Variants in ERBB4 observed in about 807,000 individuals in gnomAD.
The protein encoded by ERBB4 is receptor tyrosine-protein kinase erbB-4.
Under a neutral mutation model 158.0 loss-of-function variants are expected in ERBB4, and 42 were observed. The observed-to-expected ratio is 0.27, with a 90% CI of 0.21 to 0.34. The LOEUF (loss-of-function observed/expected upper bound fraction) is 0.34, where lower values mean the gene tolerates loss of function less well. Ranked by LOEUF, ERBB4 falls within the 10% of genes least tolerant of loss-of-function variation. The probability of loss-of-function intolerance (pLI) is 1.00; values close to 1 mark genes in which losing one functional copy is unlikely to be tolerated. For synonymous variants in ERBB4, 583 were observed against 558.7 expected (o/e 1.04, Z -0.61); for missense variants, 1,333 against 1,624.1 (o/e 0.82, Z 3.08).
intron 3 of ERBB4, among the ~76,000 whole-genome samples, chr2:211,794,595 T>C (rs2076344046): frequency 6.6e-6 from 1 of 151,974 alleles, no homozygotes; most frequent in African/African-American, 2.4e-5. Flanking sequence ...GTTAGTGATA[T>C]GCACTAGATA....
chr2:212,195,677 T>C (rs2082405691), intron 1 of ERBB4, among the ~76,000 whole-genome samples: 2 of 152,176 alleles, frequency 1.3e-5, no homozygotes, highest in Admixed American at 6.6e-5. Flanking sequence ...ATTAACTTTA[T>C]ATAATAAAAA....
intron 3 of ERBB4, among the ~76,000 whole-genome samples, chr2:211,918,928 T>A (rs922702340): frequency 6.6e-6 from 1 of 152,106 alleles, no homozygotes; most frequent in Non-Finnish European, 1.5e-5. Context: ...GTGATTTTTG[T>A]CACCACCACA....
At chr2:212,327,726 TTC>T (rs2087921032) in intron 1 of ERBB4, among the ~76,000 whole-genome samples, 2 of 36,652 alleles carry the variant, frequency 5.5e-5, no homozygotes, top group African/African-American at 9.7e-5. Context: ...TTTTCTTTTT[TTC>T]TTTTTTTTTT....
Position 211,736,674 on chromosome 2 carries a change from C to G in ERBB4, c.623-11480G>C, listed in dbSNP as rs995249413. On this transcript the variant is annotated intron_variant, in intron 5 of 27. Coordinates refer to ENST00000342788, the MANE Select transcript of ERBB4 (RefSeq NM_005235.3). ...TATGGAAAATCACTGCACAATACAG[C>G]CTGCCATAATGCCTTATCTTCAGAA... Among the ~76,000 whole-genome samples the G allele has an allele frequency of 2.6e-5, 4 of 152,084 alleles. No homozygotes were observed. In the East Asian group the frequency reaches 5.8e-4, roughly 22 times the overall value.
rs921703602 is a variant in ERBB4, at chr2:211,663,529, T to G, written c.1871+1794A>C. 2.0e-5 allele frequency among the ~76,000 whole-genome samples: 3 copies of G among 152,264 alleles called. No homozygotes were observed. In the East Asian group the frequency reaches 5.8e-4, roughly 29 times the overall value. ...CTTCCTTTTGACTGAGATCCAGATT[T>G]TGTTGCTACCATAAACTAATCTCTT... On this transcript the variant is annotated intron_variant, in intron 15 of 27. Transcript: ENST00000342788.
chr2:211,929,881 C>T (rs2080126901), intron 3 of ERBB4, among the ~76,000 whole-genome samples: 1 of 152,008 alleles, frequency 6.6e-6, no homozygotes, highest in African/African-American at 2.4e-5. Context: ...TAGAGAAAAA[C>T]AACATGTGTA....
intron 2 of ERBB4, among the ~76,000 whole-genome samples, chr2:211,995,992 A>G (rs1012327475): frequency 6.6e-6 from 1 of 152,194 alleles, no homozygotes; most frequent in Non-Finnish European, 1.5e-5. Flanking sequence ...TGATGCCTTA[A>G]GGTATTCTTG....
At chr2:211,646,377 T>C (rs2070782934) in intron 16 of ERBB4, among the ~76,000 whole-genome samples, 1 of 151,538 alleles carries the variant, frequency 6.6e-6, no homozygotes, top group African/African-American at 2.4e-5. Context: ...GCTTTAACTA[T>C]CAGGATGATG....
intron 20 of ERBB4, among the ~76,000 whole-genome samples, chr2:211,500,283 C>A (rs2065584580): frequency 6.6e-6 from 1 of 152,028 alleles, no homozygotes; most frequent in African/African-American, 2.4e-5. Flanking sequence ...AGCCACTGGA[C>A]TATAAATAGC....
chr2:211,880,000 T>G (rs2078619780), intron 3 of ERBB4, among the ~76,000 whole-genome samples: 2 of 150,714 alleles, frequency 1.3e-5, no homozygotes, highest in South Asian at 4.2e-4. Flanking sequence ...AATAAATATA[T>G]AAATAAAGCA....
chr2:211,491,912 A>C (rs2125572603), intron 20 of ERBB4, among the ~76,000 whole-genome samples: 1 of 152,176 alleles, frequency 6.6e-6, no homozygotes, highest in African/African-American at 2.4e-5. Flanking sequence ...AAAGCTTGAG[A>C]CAGGGAGAAC....
intron 1 of ERBB4, among the ~76,000 whole-genome samples, chr2:212,244,741 G>T (rs536756851): frequency 6.6e-6 from 1 of 151,980 alleles, no homozygotes; most frequent in African/African-American, 2.4e-5. Flanking sequence ...CTACAGTCTG[G>T]TTTAACTTTC....
At chr2:211,982,671 T>C (rs1476765702) in intron 2 of ERBB4, among the ~76,000 whole-genome samples, 1 of 152,210 alleles carries the variant, frequency 6.6e-6, no homozygotes, top group East Asian at 1.9e-4. Context: ...CTTCAGGTTA[T>C]CCGATTCTAT....
rs143019352 is a variant in ERBB4, at chr2:212,295,447, T to C, written c.83-170544A>G. Among the ~76,000 whole-genome samples the C allele has an allele frequency of 7.0e-4, 106 of 152,216 alleles. 1 individual carries two copies. Among genetic ancestry groups the C allele is most frequent in the African/African-American group, 2.5e-3 (102 of 41,570 alleles). Reference sequence around the variant, plus strand: ...CTCAAAGAATTTTCACTGATTATATTATCTTCATGTTTCTCTCTGTTTCAA... The same window carrying C: ...CTCAAAGAATTTTCACTGATTATATCATCTTCATGTTTCTCTCTGTTTCAA... On this transcript the variant is annotated intron_variant, in intron 1 of 27. Coordinates refer to ENST00000342788, the MANE Select transcript of ERBB4 (RefSeq NM_005235.3).
chr2:211,734,803 A>C (rs867201245), intron 5 of ERBB4, among the ~76,000 whole-genome samples: 40 of 150,104 alleles, frequency 2.7e-4, no homozygotes, highest in African/African-American at 9.3e-4. Flanking sequence ...CGCCTGTAGT[A>C]CCAGCTACTC....
intron 2 of ERBB4, among the ~76,000 whole-genome samples, chr2:211,963,841 G>C (rs1227047363): frequency 4.6e-5 from 7 of 152,040 alleles, no homozygotes; most frequent in African/African-American, 1.7e-4. Flanking sequence ...TTTAATCTCT[G>C]AGAAAGTATC....
intron 3 of ERBB4, among the ~76,000 whole-genome samples, chr2:211,926,915 C>A (rs1476388610): frequency 2.6e-5 from 4 of 152,004 alleles, no homozygotes; most frequent in Admixed American, 1.3e-4. Flanking sequence ...CTGTCCTATC[C>A]TCGGTTATAC....
At chr2:211,484,434 A>T (rs1001863997) in intron 20 of ERBB4, among the ~76,000 whole-genome samples, 8 of 152,200 alleles carry the variant, frequency 5.3e-5, no homozygotes, top group Non-Finnish European at 1.2e-4. Context: ...GTTAGGTTAG[A>T]TAACACTTCT....
chr2:212,322,067 G>C (rs938578356), intron 1 of ERBB4, among the ~76,000 whole-genome samples: 1 of 150,242 alleles, frequency 6.7e-6, no homozygotes, highest in African/African-American at 2.4e-5. Flanking sequence ...TTCATCTTAG[G>C]AGTCATTATC....
Sources: gnomAD v4.1 joint callset for allele counts (sites outside exome capture counted in the v4.1 genomes callset) on GRCh38, gnomAD v4.1.1 for gene constraint, MANE v1.5 for transcripts, NCBI Gene and HGNC (gene_info 2026-07-23, HGNC 2026-07-21) for gene names.